Variants in MAGI2 observed in about 807,000 individuals in gnomAD.
MAGI2 encodes the protein membrane associated guanylate kinase, WW and PDZ domain containing 2.
Under a neutral mutation model 133.3 loss-of-function variants are expected in MAGI2, and 35 were observed. The ratio of observed to expected loss-of-function variants is 0.26; its 90% CI spans 0.20 to 0.35. The LOEUF (loss-of-function observed/expected upper bound fraction) is 0.35. Among genes scored for constraint, MAGI2 ranks in the 10% least tolerant of loss-of-function variants. The probability of loss-of-function intolerance (pLI) is 1.00; values close to 1 mark genes in which losing one functional copy is unlikely to be tolerated. For synonymous variants in MAGI2, 729 were observed against 710.6 expected, an observed-to-expected ratio of 1.03 and a Z score of -0.41; for missense variants, 1,636 against 1,863.4, an observed-to-expected ratio of 0.88 and a Z score of 2.25.
intron 6 of MAGI2, among the ~76,000 whole-genome samples, chr7:78,447,219 G>T (rs1424558377): frequency 6.6e-6 from 1 of 151,868 alleles, no homozygotes. Flanking sequence ...CACAATAATT[G>T]TAAATATTTA....
chr7:79,248,048 C>A (rs1262869825), intron 1 of MAGI2, among the ~76,000 whole-genome samples: 4 of 151,994 alleles, frequency 2.6e-5, no homozygotes, highest in Non-Finnish European at 2.9e-5. Flanking sequence ...TAAATGAACT[C>A]TCTAATCTAA....
At chr7:78,515,755 C>T (rs980702163) in intron 4 of MAGI2, among the ~76,000 whole-genome samples, 26 of 151,952 alleles carry the variant, frequency 1.7e-4, no homozygotes, top group Non-Finnish European at 1.9e-4. Flanking sequence ...CAAAATTAGC[C>T]GGGTGTGGTG....
At chr7:78,652,786 G>T (rs955505240) in intron 2 of MAGI2, among the ~76,000 whole-genome samples, 1 of 152,084 alleles carries the variant, frequency 6.6e-6, no homozygotes, top group Admixed American at 6.6e-5. Flanking sequence ...TGACAAATGG[G>T]TTCTAATTAA....
chr7:79,163,065 TCTC>T (rs955181916), intron 1 of MAGI2, among the ~76,000 whole-genome samples: 36 of 152,034 alleles, frequency 2.4e-4, no homozygotes, highest in Non-Finnish European at 4.1e-4. Context: ...TTATATGACT[TCTC>T]CTGTGACAAA....
At chr7:79,379,842 T>TA (rs397757667) in intron 1 of MAGI2, among the ~76,000 whole-genome samples, 1 of 151,146 alleles carries the variant, frequency 6.6e-6, no homozygotes, top group Non-Finnish European at 1.5e-5. Context: ...TTTTTTTTTT[T>TA]ACCCACTTGT....
intron 3 of MAGI2, among the ~76,000 whole-genome samples, chr7:78,583,950 T>C (rs1023224346): frequency 6.6e-6 from 1 of 152,182 alleles, no homozygotes; most frequent in Non-Finnish European, 1.5e-5. Context: ...TGCATTGAGC[T>C]CAAATACCCT....
chr7:78,055,466 C>T (rs1415268077), intron 21 of MAGI2, among the ~76,000 whole-genome samples: 1 of 152,148 alleles, frequency 6.6e-6, no homozygotes, highest in Non-Finnish European at 1.5e-5. Context: ...CAAGCTCCTA[C>T]CTAGAGTGGC....
At chr7:78,761,856 C>T (rs1179933335) in intron 2 of MAGI2, among the ~76,000 whole-genome samples, 1 of 151,960 alleles carries the variant, frequency 6.6e-6, no homozygotes. Context: ...ATGCACAGAA[C>T]AGTGAAGCTC....
chr7:78,976,373 A>G (rs1241714143), intron 2 of MAGI2, among the ~76,000 whole-genome samples: 2 of 151,564 alleles, frequency 1.3e-5, no homozygotes, highest in East Asian at 3.9e-4. Flanking sequence ...ACAAAATACA[A>G]CATCTATTCA....
At chr7:78,104,949 C>CT (rs1818535324) in intron 20 of MAGI2, among the ~76,000 whole-genome samples, 1 of 150,006 alleles carries the variant, frequency 6.7e-6, no homozygotes, top group Non-Finnish European at 1.5e-5. Flanking sequence ...AATCACTAAC[C>CT]GCCTTAACAA....
chr7:79,148,123 C>T (rs1425129322), intron 1 of MAGI2, among the ~76,000 whole-genome samples: 2 of 152,100 alleles, frequency 1.3e-5, no homozygotes. Flanking sequence ...ATATTTTTAT[C>T]AGAAGGAAAT....
chr7:79,060,464 T>C (rs1161516173), intron 1 of MAGI2, among the ~76,000 whole-genome samples: 1 of 152,068 alleles, frequency 6.6e-6, no homozygotes, highest in Non-Finnish European at 1.5e-5. Context: ...GTCAATCAGA[T>C]AGTATCAGGA....
chr7:78,154,285 GA>G (rs1487046201), intron 16 of MAGI2, among the ~76,000 whole-genome samples: 2 of 152,162 alleles, frequency 1.3e-5, no homozygotes, highest in East Asian at 3.9e-4. Flanking sequence ...TGGCCTTAGG[GA>G]AAGTCAAGAA....
At chr7:78,862,489 A>G (rs1373046032) in intron 2 of MAGI2, among the ~76,000 whole-genome samples, 2 of 152,218 alleles carry the variant, frequency 1.3e-5, no homozygotes, top group African/African-American at 4.8e-5. Flanking sequence ...GAGTTTGTCC[A>G]GGAAGGGTTT....
At chr7:79,185,408 A>C (rs1002029744) in intron 1 of MAGI2, among the ~76,000 whole-genome samples, 3 of 151,882 alleles carry the variant, frequency 2.0e-5, no homozygotes, top group African/African-American at 7.3e-5. Flanking sequence ...TTATCACTCA[A>C]ACTTAACAAT....
At chr7:78,292,962 AC>A (rs1796869619) in intron 9 of MAGI2, among the ~76,000 whole-genome samples, 1 of 152,234 alleles carries the variant, frequency 6.6e-6, no homozygotes, top group African/African-American at 2.4e-5. Context: ...TAAATGTTAG[AC>A]CTAAAACCAT....
At chr7:78,533,638 G>C (rs1190831108) in intron 3 of MAGI2, among the ~76,000 whole-genome samples, 1 of 152,288 alleles carries the variant, frequency 6.6e-6, no homozygotes, top group Admixed American at 6.5e-5. Flanking sequence ...AGTTCGAGTT[G>C]AGATGTGCTG....
At chr7:78,880,232 A>T (rs1034840303) in intron 2 of MAGI2, among the ~76,000 whole-genome samples, 1 of 152,312 alleles carries the variant, frequency 6.6e-6, no homozygotes, top group South Asian at 2.1e-4. Context: ...AACAATTGTG[A>T]TATACTATAC....
intron 1 of MAGI2, among the ~76,000 whole-genome samples, chr7:79,404,518 A>G (rs1448007133): frequency 1.3e-5 from 2 of 152,082 alleles, no homozygotes; most frequent in Non-Finnish European, 2.9e-5. Context: ...TTTCTTCTTG[A>G]GTTATATGAA....
Sources: gnomAD v4.1 joint callset for allele counts (sites outside exome capture counted in the v4.1 genomes callset) on GRCh38, gnomAD v4.1.1 for gene constraint, MANE v1.5 for transcripts, NCBI Gene and HGNC (gene_info 2026-07-23, HGNC 2026-07-21) for gene names.